DDX60L: variants seen among roughly 807,000 people sequenced by gnomAD.
DDX60L encodes the protein DExD/H-box 60 like.
Under a neutral mutation model 211.6 loss-of-function variants are expected in DDX60L, and 191 were observed. The ratio of observed to expected loss-of-function variants is 0.90; its 90% CI spans 0.80 to 1.02. The LOEUF is 1.02. DDX60L is among the 50% of genes least tolerant of loss of function. The probability of loss-of-function intolerance (pLI) is 0.00; values close to 1 mark genes in which losing one functional copy is unlikely to be tolerated. For synonymous variants in DDX60L, 706 were observed against 694.1 expected, an observed-to-expected ratio of 1.02 and a Z score of -0.27; for missense variants, 2,007 against 1,984.1, an observed-to-expected ratio of 1.01 and a Z score of -0.22.
chr4:168,457,653 T>G (rs916535962), intron 6 of DDX60L, among the ~76,000 whole-genome samples: 1 of 152,178 alleles, frequency 6.6e-6, no homozygotes, highest in Non-Finnish European at 1.5e-5. Context: ...TACAATTTTC[T>G]AGTTTCCCAG....
intron 36 of DDX60L, among the ~76,000 whole-genome samples, chr4:168,361,972 A>C (rs1739187692): frequency 6.6e-6 from 1 of 152,186 alleles, no homozygotes; most frequent in Non-Finnish European, 1.5e-5. Flanking sequence ...AAGCCCCACT[A>C]TCATTTCACA....
chr4:168,436,546 A>G (rs2149971511), intron 10 of DDX60L, among the ~76,000 whole-genome samples: 2 of 152,264 alleles, frequency 1.3e-5, no homozygotes, highest in East Asian at 3.9e-4. Flanking sequence ...TTACAGTGTG[A>G]GCTAGGTGGA....
At chr4:168,413,229 T>C (rs1476314759) in intron 22 of DDX60L, among the ~76,000 whole-genome samples, 1 of 152,146 alleles carries the variant, frequency 6.6e-6, no homozygotes, top group Non-Finnish European at 1.5e-5. Flanking sequence ...GACAAAGATA[T>C]GTGACTTTTC....
At chr4:168,379,538 G>C in intron 31 of DDX60L, 34 bp from the exon 32 acceptor site, 1 of 1,472,618 alleles carries the variant, frequency 6.8e-7, no homozygotes, top group South Asian at 1.4e-5. Context: ...GATTTAACTT[G>C]TCATGTACTC....
chr4:168,471,887 C>T lies in DDX60L; in HGVS notation c.124G>A (p.Asp42Asn). 4 of 1,609,932 alleles carry T rather than the reference C, an allele frequency of 2.5e-6. No homozygotes were observed. The highest frequency in any genetic ancestry group is 3.4e-6 in the Non-Finnish European group (4 of 1,178,958). Residue 42 changes from aspartate to asparagine, a missense_variant, in exon 4 of 38, where the codon GAT becomes AAT. By Grantham distance (23) the Asp-to-Asn change is conservative. Transcript: ENST00000682922. ...DFVESNFFVI[D>N]GDSLLVTCLG... ...CATGTGACAAGCAAGGAATCTCCAT[C>T]AATCACAAAAAAATTAGATTCCACA...
intron 29 of DDX60L, among the ~76,000 whole-genome samples, chr4:168,385,552 A>G (rs1743719333): frequency 6.6e-6 from 1 of 152,172 alleles, no homozygotes; most frequent in South Asian, 2.1e-4. Context: ...TAAGTTCCAG[A>G]GGACTGCACT....
intron 30 of DDX60L, 112 bp from the exon 31 acceptor site, chr4:168,379,942 G>A (rs929125523): frequency 2.3e-5 from 15 of 640,886 alleles, no homozygotes; most frequent in Admixed American, 1.4e-4. Context: ...CAGATCTTAC[G>A]TGAAAGTAAA....
At chr4:168,448,087 A>C (rs1755105584) in intron 9 of DDX60L, among the ~76,000 whole-genome samples, 1 of 152,160 alleles carries the variant, frequency 6.6e-6, no homozygotes, top group African/African-American at 2.4e-5. Context: ...AAACTAGTAA[A>C]ATTTGCTACA....
intron 5 of DDX60L, among the ~76,000 whole-genome samples, chr4:168,458,697 G>A (rs1250926676): frequency 6.6e-6 from 1 of 152,166 alleles, no homozygotes; most frequent in Non-Finnish European, 1.5e-5. Flanking sequence ...ACTAATGCGT[G>A]CAGGGTTTAA....
chr4:168,377,006 G>T (rs1742069758), intron 33 of DDX60L, among the ~76,000 whole-genome samples: 1 of 152,110 alleles, frequency 6.6e-6, no homozygotes, highest in Non-Finnish European at 1.5e-5. Flanking sequence ...AAAATAAAAA[G>T]TGGGCTGGGC....
At chr4:168,420,463 T>TACACACACAC (rs10598232) in intron 17 of DDX60L, 83 bp from the exon 18 acceptor site, 17 of 459,654 alleles carry the variant, frequency 3.7e-5, no homozygotes, top group African/African-American at 3.4e-4. Context: ...TCCATACACA[T>TACACACACAC]ACACACACAC....
intron 36 of DDX60L, among the ~76,000 whole-genome samples, chr4:168,370,851 C>T (rs1361874552): frequency 0.01 from 1,532 of 152,240 alleles, 27 homozygotes; most frequent in African/African-American, 0.034. Context: ...TTCCCCATTT[C>T]TACCTACTTG....
At chr4:168,403,292 G>A (rs556733103) in intron 25 of DDX60L, among the ~76,000 whole-genome samples, 11 of 151,938 alleles carry the variant, frequency 7.2e-5, no homozygotes, top group South Asian at 4.2e-4. Context: ...ACCATTTAAC[G>A]TATCTACACA....
intron 33 of DDX60L, among the ~76,000 whole-genome samples, chr4:168,377,327 T>TAAAC (rs1742145592): frequency 1.0e-5 from 1 of 95,452 alleles, no homozygotes; most frequent in Non-Finnish European, 2.2e-5. Flanking sequence ...AATAAATAAA[T>TAAAC]AAATAAATAA....
In DDX60L at chr4:168,365,570, C is replaced by T. The variant is rs1739835981; in HGVS notation, c.4929-4359G>A. Among the ~76,000 whole-genome samples, 3 of 151,042 alleles carry T rather than the reference C, an allele frequency of 2.0e-5. No homozygotes were observed. The South Asian group carries it at 6.2e-4, about 31-fold the overall frequency. ...AAAAAAAAAGCCCACGACTTAATGG[C>T]TTCACTGCTGAATTCTACCAAACAT... On this transcript the variant is annotated intron_variant, in intron 36 of 37. Transcript: ENST00000682922.
intron 5 of DDX60L, among the ~76,000 whole-genome samples, chr4:168,460,488 T>C (rs1757176347): frequency 6.6e-6 from 1 of 152,190 alleles, no homozygotes; most frequent in African/African-American, 2.4e-5. Flanking sequence ...TAAATGCATT[T>C]CTTGCTTTCC....
Position 168,378,465 on chromosome 4 carries a change from T to C in DDX60L, c.4374A>G (p.Gln1458=), listed in dbSNP as rs1560947163. 1 of 1,571,622 alleles carries C rather than the reference T, an allele frequency of 6.4e-7. No individual in the cohort carries two copies. Among genetic ancestry groups the C allele is most frequent in the East Asian group, 2.3e-5 (1 of 43,488 alleles). ...GCTTTTCCATCACATCTTGGGAAAA[T>C]TGTTGTGAGCCTATTGAAATAAAGA... is the stretch of plus-strand genomic sequence containing the variant. ...LCKPAWKGSQ[Q]FSQDVMEKLV... The change falls in exon 33 of 38, where the codon CAA becomes CAG. Residue 1458 remains glutamine (Q), a synonymous_variant. Coordinates refer to ENST00000682922, the MANE Select transcript of DDX60L (RefSeq NM_001012967.3).
At chr4:168,438,973 C>T (rs1466183057) in intron 10 of DDX60L, among the ~76,000 whole-genome samples, 2 of 152,162 alleles carry the variant, frequency 1.3e-5, no homozygotes, top group African/African-American at 4.8e-5. Flanking sequence ...ATTTAGGTTA[C>T]AGGATATCAA....
intron 22 of DDX60L, among the ~76,000 whole-genome samples, chr4:168,413,804 A>T (rs1679102734): frequency 6.6e-6 from 1 of 152,158 alleles, no homozygotes; most frequent in Non-Finnish European, 1.5e-5. Context: ...CCCTAGAGTG[A>T]GGAGAAAGTT....
Sources: gnomAD v4.1 joint callset for allele counts (sites outside exome capture counted in the v4.1 genomes callset) on GRCh38, gnomAD v4.1.1 for gene constraint, MANE v1.5 for transcripts, NCBI Gene and HGNC (gene_info 2026-07-23, HGNC 2026-07-21) for gene names.